BDP1: variants seen among roughly 807,000 people sequenced by gnomAD.
BDP1 encodes BDP1 general transcription factor IIIB subunit, also known as transcription factor TFIIIB component B'' homolog.
In BDP1, 169 loss-of-function variants were observed where a neutral mutation model predicts 266.6. The observed-to-expected ratio is 0.63, with a 90% CI of 0.56 to 0.72. The LOEUF (loss-of-function observed/expected upper bound fraction) is 0.72. Ranked by LOEUF, BDP1 falls within the 30% of genes least tolerant of loss-of-function variation. The pLI is 0.00. For missense variants in BDP1, 3,015 were observed against 3,053.8 expected (o/e 0.99, Z 0.30); for synonymous variants, 1,090 against 1,022.4 (o/e 1.07, Z -1.26).
downstream of BDP1, among the ~76,000 whole-genome samples, chr5:71,569,293 A>G (rs1744189190): frequency 6.6e-6 from 1 of 152,282 alleles, no homozygotes; most frequent in South Asian, 2.1e-4. Context: ...CAAACAAAAC[A>G]AAGCAAAAAC....
chr5:71,574,666 ACT>A, the BDP1 span, among the ~76,000 whole-genome samples: 2 of 152,108 alleles, frequency 1.3e-5, no homozygotes, highest in South Asian at 4.1e-4. Context: ...GGAGTGATTG[ACT>A]CTGATTATGA....
chr5:71,456,844 G>C (rs1761220451), intron 1 of BDP1, among the ~76,000 whole-genome samples: 1 of 152,196 alleles, frequency 6.6e-6, no homozygotes, highest in African/African-American at 2.4e-5. Flanking sequence ...GGCTAAGATG[G>C]TCTCTGTTTC....
At chr5:71,504,794 A>G in intron 16 of BDP1, 43 bp downstream of exon 16, 1 of 1,590,578 alleles carries the variant, frequency 6.3e-7, no homozygotes, top group Non-Finnish European at 8.6e-7. Context: ...GATTTTGTAA[A>G]AAGTTTTAGA....
At chr5:71,481,461 G>A (rs1031822165) in intron 7 of BDP1, among the ~76,000 whole-genome samples, 2 of 150,626 alleles carry the variant, frequency 1.3e-5, no homozygotes, top group Non-Finnish European at 3.0e-5. Flanking sequence ...GGAGGCTGAG[G>A]CAGGAGGATT....
Position 71,545,239 on chromosome 5 carries a change from A to G in BDP1, c.6744+20A>G. On this transcript the variant is annotated intron_variant, in intron 32 of 38. Coordinates refer to ENST00000358731, the MANE Select transcript of BDP1 (RefSeq NM_018429.3). ...CCAGAGGTAAAAGAATGTACAGTAT[A>G]ATAAGGGATAGCAAGGTGTTTTCCT... The G allele has an allele frequency of 6.3e-7, 1 of 1,596,596 alleles. No homozygotes were observed. The highest frequency in any genetic ancestry group is 8.5e-7 in the Non-Finnish European group (1 of 1,171,520).
intron 14 of BDP1, 132 bp downstream of exon 14, chr5:71,501,785 C>T (rs1256358333): frequency 1.6e-6 from 1 of 620,408 alleles, no homozygotes; most frequent in Non-Finnish European, 2.8e-6. Context: ...TCGTTTTCAA[C>T]CATAGGTGGT....
chr5:71,487,130 G>T (rs1430546207), intron 9 of BDP1, among the ~76,000 whole-genome samples: 1 of 152,094 alleles, frequency 6.6e-6, no homozygotes, highest in Non-Finnish European at 1.5e-5. Flanking sequence ...TTTGAACTCT[G>T]GTCTATAAGG....
intron 25 of BDP1, among the ~76,000 whole-genome samples, chr5:71,531,164 T>G (rs1236465186): frequency 6.6e-6 from 1 of 152,086 alleles, no homozygotes; most frequent in Non-Finnish European, 1.5e-5. Flanking sequence ...TTTTATACTG[T>G]TTTTTTCTGT....
chr5:71,483,445 AG>A (rs1399193813), intron 7 of BDP1, among the ~76,000 whole-genome samples: 1 of 152,238 alleles, frequency 6.6e-6, no homozygotes, highest in Non-Finnish European at 1.5e-5. Flanking sequence ...GTTTCTCTAT[AG>A]TCTTCTCTCC....
chr5:71,552,300 A>G, intron 34 of BDP1, among the ~76,000 whole-genome samples: 1 of 141,846 alleles, frequency 7.0e-6, no homozygotes, highest in Non-Finnish European at 1.5e-5. Flanking sequence ...CCTAGATGGG[A>G]TGGTGGCCGG....
chr5:71,499,938 TTTG>T (rs796710004), intron 13 of BDP1, among the ~76,000 whole-genome samples: 70 of 152,294 alleles, frequency 4.6e-4, no homozygotes, highest in African/African-American at 1.5e-3. Context: ...TCTTTTGTTA[TTTG>T]TTATTTTTAT....
the BDP1 span, among the ~76,000 whole-genome samples, chr5:71,575,802 G>A: frequency 6.6e-6 from 1 of 152,162 alleles, no homozygotes; most frequent in Non-Finnish European, 1.5e-5. Flanking sequence ...TGTAGGACAG[G>A]CATTAAAGGA....
chr5:71,546,237 A>G (rs73776557), intron 32 of BDP1, among the ~76,000 whole-genome samples: 5,478 of 152,230 alleles, frequency 0.036, 321 homozygotes, highest in African/African-American at 0.13. Flanking sequence ...TCTTACAAAG[A>G]ATTATCCCAT....
At chr5:71,505,090 A>T (rs1365396080) in intron 16 of BDP1, among the ~76,000 whole-genome samples, 3 of 152,178 alleles carry the variant, frequency 2.0e-5, no homozygotes, top group Admixed American at 1.3e-4. Flanking sequence ...CACTGCAACC[A>T]CTGCTTCCCA....
chr5:71,562,402 T>G lies in BDP1; in HGVS notation c.7625T>G (p.Leu2542Trp). ...CTTATACCTGGATTAAGAAAGAAATTGAAAAGATCTAATCCATTCAATGAA... is the reference window on the plus strand; with the variant it reads ...CTTATACCTGGATTAAGAAAGAAATGGAAAAGATCTAATCCATTCAATGAA... ...KPLIPGLRKK[L>W]KRSNPFNESQ... The change falls in exon 38 of 39, where the codon TTG (leucine) becomes TGG (tryptophan). Residue 2542 changes from leucine to tryptophan, a missense_variant. By Grantham distance (61) the Leu-to-Trp change is moderately conservative (BLOSUM62 -2). Transcript: ENST00000358731. 6.2e-7 allele frequency: 1 copy of G among 1,613,868 alleles called. No homozygotes were observed. The highest frequency in any genetic ancestry group is 8.5e-7 in the Non-Finnish European group (1 of 1,179,934).
intron 7 of BDP1, among the ~76,000 whole-genome samples, chr5:71,472,378 C>T (rs1762306515): frequency 6.6e-6 from 1 of 152,126 alleles, no homozygotes; most frequent in African/African-American, 2.4e-5. Flanking sequence ...GGAGAATCGC[C>T]TGAACCCGGG....
At chr5:71,515,179 T>A in intron 20 of BDP1, 57 bp downstream of exon 20, 2 of 1,302,282 alleles carry the variant, frequency 1.5e-6, no homozygotes, top group Non-Finnish European at 2.1e-6. Flanking sequence ...TTTTAAATAT[T>A]TCTAATTTTT....
At chr5:71,474,457 G>A (rs919776304) in intron 7 of BDP1, among the ~76,000 whole-genome samples, 9 of 152,066 alleles carry the variant, frequency 5.9e-5, no homozygotes, top group South Asian at 2.1e-4. Flanking sequence ...AAGAAGTTGG[G>A]ACTATAGGTG....
At chr5:71,546,617 C>CAAAAA (rs70992980) in intron 32 of BDP1, among the ~76,000 whole-genome samples, 1 of 57,764 alleles carries the variant, frequency 1.7e-5, no homozygotes, top group African/African-American at 7.6e-5. Flanking sequence ...GACTCTGTCT[C>CAAAAA]AAAAAAAAAA....
Sources: gnomAD v4.1 joint callset for allele counts (sites outside exome capture counted in the v4.1 genomes callset) on GRCh38, gnomAD v4.1.1 for gene constraint, MANE v1.5 for transcripts, NCBI Gene and HGNC (gene_info 2026-07-23, HGNC 2026-07-21) for gene names.